Variants in THRA observed in about 807,000 individuals in gnomAD.
THRA encodes the protein thyroid hormone receptor alpha.
Under a neutral mutation model 45.0 loss-of-function variants are expected in THRA, and 13 were observed. That is an observed-to-expected ratio of 0.29 (90% CI 0.19 to 0.46). The LOEUF is 0.46. THRA is among the 20% of genes least tolerant of loss of function. The probability of loss-of-function intolerance (pLI) is 1.00; values close to 1 mark genes in which losing one functional copy is unlikely to be tolerated. For missense variants in THRA, 278 were observed against 556.1 expected, an observed-to-expected ratio of 0.50 and a Z score of 5.03; for synonymous variants, 195 against 214.0, an observed-to-expected ratio of 0.91 and a Z score of 0.78.
At chr17:40,079,678 T>C (rs1035495804) in intron 4 of THRA, among the ~76,000 whole-genome samples, 1 of 152,190 alleles carries the variant, frequency 6.6e-6, no homozygotes. Flanking sequence ...CCGGTGGCAC[T>C]GTTTTAAACA....
intron 1 of THRA, among the ~76,000 whole-genome samples, chr17:40,065,524 T>C (rs1168849766): frequency 1.3e-5 from 2 of 152,170 alleles, no homozygotes; most frequent in East Asian, 1.9e-4. Flanking sequence ...TGTAACTCTC[T>C]CTCACCCTGT....
chr17:40,085,168 A>G (rs1233739584), intron 6 of THRA, among the ~76,000 whole-genome samples: 2 of 152,120 alleles, frequency 1.3e-5, no homozygotes, highest in East Asian at 1.9e-4. Flanking sequence ...GCCAGGCATT[A>G]TGTTAGGCCC....
downstream of THRA, chr17:40,093,014 G>A (rs776563430): frequency 5.6e-6 from 9 of 1,606,820 alleles, no homozygotes; most frequent in South Asian, 1.1e-5. The surrounding 1 kb of genome is among the most constrained non-coding windows in gnomAD (Gnocchi z 5.9). Context: ...TTTTCGTCTC[G>A]TAAAGGAGAG....
intron 1 of THRA, among the ~76,000 whole-genome samples, chr17:40,064,273 C>T (rs1483209772): frequency 6.6e-6 from 1 of 152,180 alleles, no homozygotes; most frequent in Non-Finnish European, 1.5e-5. Context: ...GATGCTGTCA[C>T]ACACTGGGGC....
In THRA at chr17:40,089,129, A is replaced by G; in HGVS notation, c.983-77A>G. The G allele has an allele frequency of 2.8e-6, 4 of 1,422,448 alleles. No homozygotes were observed. The highest frequency in any genetic ancestry group is 3.9e-6 in the Non-Finnish European group (4 of 1,037,152). The allele number at this position is 1,422,448 out of a possible 1,614,324, so 88.1% of individuals were successfully genotyped here. ...ATCTCCCCTCTAGTCCTTTCTTCCC[A>G]CGTCCCCACACCTCACCCTCCCCAT... On this transcript the variant is annotated intron_variant, in intron 8 of 8. Coordinates refer to ENST00000450525, the MANE Select transcript of THRA (RefSeq NM_199334.5). The surrounding 1 kb of genome is among the most constrained non-coding windows in gnomAD (Gnocchi z 6.1).
chr17:40,092,703 A>G lies in THRA; in HGVS notation c.*3247A>G. On this transcript the variant is annotated 3_prime_UTR_variant, in exon 9 of 9. Coordinates refer to ENST00000450525, the MANE Select transcript of THRA (RefSeq NM_199334.5). Reference sequence around the variant, plus strand: ...CATCTGCTGGCAGAGTACCCACCCCACAAACTGACCAGATGGAGAGGTGGC... The same window carrying G: ...CATCTGCTGGCAGAGTACCCACCCCGCAAACTGACCAGATGGAGAGGTGGC... The G allele has an allele frequency of 3.4e-6, 1 of 298,250 alleles. No individual in the cohort carries two copies. The highest frequency in any genetic ancestry group is 6.3e-5 in the East Asian group (1 of 15,860). 18.5% of individuals were successfully genotyped at this position (298,250 alleles called of 1,614,324 possible). A position where few individuals can be genotyped will look rare whatever the true frequency, so the allele number is the denominator to read the frequency against.
chr17:40,065,280 A>G (rs1454023304), intron 1 of THRA, among the ~76,000 whole-genome samples: 1 of 152,046 alleles, frequency 6.6e-6, no homozygotes, highest in East Asian at 1.9e-4. Flanking sequence ...TTTCCTGGGA[A>G]CAGTCAGTCA....
At chr17:40,093,195 C>T (rs772307192), downstream of THRA, 6 of 1,613,792 alleles carry the variant, frequency 3.7e-6, no homozygotes, top group Middle Eastern at 1.6e-4. The surrounding 1 kb of genome is among the most constrained non-coding windows in gnomAD (Gnocchi z 5.9). Flanking sequence ...CTCCAAGGGC[C>T]GGTTCTTCAG....
rs1406406351 is a variant in THRA at position 40,076,705 on chromosome 17, T to A, written c.54-166T>A. Among the ~76,000 whole-genome samples the A allele has an allele frequency of 2.6e-5, 4 of 152,206 alleles. No individual in the cohort carries two copies. In the East Asian group the frequency reaches 7.7e-4, roughly 29 times the overall value. ...ATCTCTCTCCCCTGCAACTTCCAGA[T>A]AACTGGACCCTTTTAAGCATTGTCA... On this transcript the variant is annotated intron_variant, in intron 2 of 8. Coordinates refer to ENST00000450525, the MANE Select transcript of THRA (RefSeq NM_199334.5).
At chr17:40,084,529 T>G in intron 5 of THRA, 81 bp from the exon 6 acceptor site, 4 of 1,520,530 alleles carry the variant, frequency 2.6e-6, no homozygotes, top group Non-Finnish European at 3.6e-6. Flanking sequence ...ACCTGTACTC[T>G]AGGAAGAGTA....
chr17:40,071,509 T>G (rs904957605), intron 1 of THRA, among the ~76,000 whole-genome samples: 3 of 152,216 alleles, frequency 2.0e-5, no homozygotes, highest in African/African-American at 7.2e-5. Flanking sequence ...CCAGCAGCTC[T>G]TATCTCACAA....
chr17:40,081,692 G>A (rs371103641), intron 4 of THRA, among the ~76,000 whole-genome samples: 1 of 152,014 alleles, frequency 6.6e-6, no homozygotes, highest in South Asian at 2.1e-4. Context: ...GGCTGGGTGC[G>A]GTGGCTCACG....
chr17:40,078,602 G>A lies in THRA; in HGVS notation c.222+994G>A, dbSNP rs186387668. Among the ~76,000 whole-genome samples the A allele has an allele frequency of 2.1e-4, 32 of 152,230 alleles. No individual in the cohort carries two copies. In the East Asian group the frequency reaches 2.9e-3, roughly 14 times the overall value. On this transcript the variant is annotated intron_variant, in intron 4 of 8. Coordinates refer to ENST00000450525, the MANE Select transcript of THRA (RefSeq NM_199334.5). ...GGTGTGAGAGTGTAGTACGTACCTC[G>A]CCTTCAAGCTGCTCACAGCCTGTCA...
At chr17:40,076,686 CT>C (rs1301837646) in intron 2 of THRA, among the ~76,000 whole-genome samples, 184 bp from the exon 3 acceptor site, 1 of 152,130 alleles carries the variant, frequency 6.6e-6, no homozygotes, top group East Asian at 1.9e-4. Flanking sequence ...CCTTATCTCT[CT>C]CCCCTGCAAC....
intron 5 of THRA, 128 bp from the exon 6 acceptor site, chr17:40,084,482 G>A: frequency 1.0e-6 from 1 of 1,000,146 alleles, no homozygotes; most frequent in Non-Finnish European, 1.5e-6. Context: ...AGGTGATTTG[G>A]GAAGTCATTT....
Position 40,074,545 on chromosome 17 carries a change from A to G in THRA, c.53+4A>G, listed in dbSNP as rs1396863989. On this transcript the variant is annotated splice_donor_region_variant and intron_variant, in intron 2 of 8. Transcript: ENST00000450525. ...GGTCAGACCCAGAGGAGAACAGGTAATGGGTTCAGCAACTAGGTCATGCCA... is the reference window on the plus strand; with the variant it reads ...GGTCAGACCCAGAGGAGAACAGGTAGTGGGTTCAGCAACTAGGTCATGCCA... The G allele has an allele frequency of 1.9e-6, 3 of 1,614,022 alleles. No homozygotes were observed. The highest frequency in any genetic ancestry group is 2.5e-6 in the Non-Finnish European group (3 of 1,179,920).
intron 1 of THRA, among the ~76,000 whole-genome samples, chr17:40,073,643 T>C (rs770746806): frequency 6.6e-6 from 1 of 152,088 alleles, no homozygotes; most frequent in Non-Finnish European, 1.5e-5. Context: ...GAGTTGGGGA[T>C]CATAACTTGG....
At chr17:40,067,436 G>C (rs550122498) in intron 1 of THRA, among the ~76,000 whole-genome samples, 11 of 152,226 alleles carry the variant, frequency 7.2e-5, no homozygotes, top group Non-Finnish European at 1.6e-4. Flanking sequence ...CCAGGACCCA[G>C]CTCTGGCTGA....
chr17:40,074,123 A>G (rs932254535), intron 1 of THRA, 69 bp from the exon 2 acceptor site: 16 of 252,660 alleles, frequency 6.3e-5, no homozygotes, highest in African/African-American at 3.6e-4. Context: ...AAATGTTGCC[A>G]CCAAAGGGAT....
Sources: allele counts gnomAD v4.1 joint callset (sites outside exome capture counted in the v4.1 genomes callset), GRCh38; gene constraint gnomAD v4.1.1; non-coding constraint Gnocchi (gnomAD v3.1); transcripts MANE v1.5; gene names NCBI Gene and HGNC (gene_info 2026-07-23, HGNC 2026-07-21).